Variants in SUGCT observed in about 807,000 individuals in gnomAD.
SUGCT encodes the protein succinyl-CoA:glutarate CoA-transferase.
A neutral mutation model predicts 55.0 loss-of-function variants in SUGCT; 41 were observed. That is an observed-to-expected ratio of 0.74 (90% CI 0.58 to 0.97). SUGCT has a LOEUF of 0.97. SUGCT is among the 50% of genes least tolerant of loss of function. The pLI, the probability that SUGCT is intolerant of heterozygous loss-of-function variation, is 0.00. For synonymous variants in SUGCT, 187 were observed against 200.4 expected (o/e 0.93, Z 0.56); for missense variants, 568 against 547.8 (o/e 1.04, Z -0.37).
chr7:40,614,125 C>A (rs1437967349), intron 12 of SUGCT, among the ~76,000 whole-genome samples: 1 of 151,328 alleles, frequency 6.6e-6, no homozygotes, highest in Non-Finnish European at 1.5e-5. Flanking sequence ...AACCCCAAGG[C>A]TGTTTTTTTT....
At chr7:40,486,319 G>A (rs1791345454) in intron 11 of SUGCT, among the ~76,000 whole-genome samples, 1 of 152,092 alleles carries the variant, frequency 6.6e-6, no homozygotes, top group South Asian at 2.1e-4. Flanking sequence ...CAGTTGTAAT[G>A]TCTTTTTAAA....
intron 9 of SUGCT, among the ~76,000 whole-genome samples, chr7:40,411,580 G>A (rs2151344615): frequency 6.6e-6 from 1 of 152,294 alleles, no homozygotes; most frequent in Non-Finnish European, 1.5e-5. Context: ...ATCTTAAGAA[G>A]ATAGAAGTAG....
chr7:40,772,550 C>G (rs772947155), intron 13 of SUGCT, among the ~76,000 whole-genome samples: 160 of 145,426 alleles, frequency 1.1e-3, no homozygotes, highest in Non-Finnish European at 1.6e-3. Flanking sequence ...ATCTATCTAT[C>G]TATCTATCTA....
chr7:40,675,175 C>T (rs1311414487), intron 12 of SUGCT, among the ~76,000 whole-genome samples: 2 of 151,928 alleles, frequency 1.3e-5, no homozygotes, highest in East Asian at 3.9e-4. Flanking sequence ...ATTCTCCTGC[C>T]TCAGCTCCCC....
At chr7:40,435,255 A>G (rs1486495530) in intron 9 of SUGCT, among the ~76,000 whole-genome samples, 6 of 152,206 alleles carry the variant, frequency 3.9e-5, no homozygotes, top group African/African-American at 1.4e-4. Context: ...ACTATAGGAC[A>G]TACCTATAAA....
intron 12 of SUGCT, among the ~76,000 whole-genome samples, chr7:40,703,379 AC>A (rs954097254): frequency 7.9e-5 from 12 of 152,166 alleles, no homozygotes; most frequent in African/African-American, 2.7e-4. Context: ...AGATCTCAGC[AC>A]AGGTGAAGCT....
intron 11 of SUGCT, among the ~76,000 whole-genome samples, chr7:40,464,133 G>T (rs1789967635): frequency 6.6e-6 from 1 of 152,056 alleles, no homozygotes; most frequent in Non-Finnish European, 1.5e-5. Context: ...TGAAGGAGAA[G>T]AGAATTGATG....
rs1322099726 is a variant in SUGCT at position 40,562,278 on chromosome 7, G to A, written c.1089+65892G>A. Among the ~76,000 whole-genome samples the A allele has an allele frequency of 4.8e-5, 7 of 145,074 alleles. No individual in the cohort carries two copies. The South Asian group carries it at 8.7e-4, about 18-fold the overall frequency. On this transcript the variant is annotated intron_variant, in intron 12 of 13. Coordinates refer to ENST00000335693, the MANE Select transcript of SUGCT (RefSeq NM_001193313.2). ...CGCGTGACTGCACTCCAGCCTGGGC[G>A]ACAGAGCGAGATTCCGTCTCAAAAA...
At chr7:40,744,115 G>A (rs1168458000) in intron 12 of SUGCT, among the ~76,000 whole-genome samples, 2 of 149,010 alleles carry the variant, frequency 1.3e-5, no homozygotes, top group East Asian at 2.0e-4. Flanking sequence ...TTTAGTAGAC[G>A]CGGGGTTTCG....
chr7:40,279,181 A>G (rs1054127108), intron 8 of SUGCT, among the ~76,000 whole-genome samples: 15 of 152,178 alleles, frequency 9.9e-5, no homozygotes, highest in Admixed American at 8.5e-4. Flanking sequence ...TATTCCAAAA[A>G]GTTTCAGAAT....
intron 12 of SUGCT, among the ~76,000 whole-genome samples, chr7:40,695,301 G>A (rs1224658681): frequency 2.0e-5 from 3 of 151,522 alleles, no homozygotes; most frequent in African/African-American, 4.9e-5. Context: ...GGGCTCAAGC[G>A]ATCCTCCCAC....
chr7:40,754,076 G>A (rs934433399), intron 13 of SUGCT, among the ~76,000 whole-genome samples: 4 of 152,128 alleles, frequency 2.6e-5, no homozygotes, highest in African/African-American at 9.7e-5. Context: ...AACTAGTTAA[G>A]CCCATGAATT....
At chr7:40,665,675 G>T (rs1445496376) in intron 12 of SUGCT, among the ~76,000 whole-genome samples, 1 of 151,582 alleles carries the variant, frequency 6.6e-6, no homozygotes, top group Non-Finnish European at 1.5e-5. Flanking sequence ...ACTCTCTATA[G>T]AGTGGGGACC....
intron 12 of SUGCT, among the ~76,000 whole-genome samples, chr7:40,537,323 A>G (rs1054310734): frequency 6.6e-6 from 1 of 152,202 alleles, no homozygotes; most frequent in African/African-American, 2.4e-5. Context: ...TCTGATGAGA[A>G]CATTTTGCCT....
the SUGCT span, among the ~76,000 whole-genome samples, chr7:40,882,725 A>T: frequency 1.3e-5 from 2 of 152,204 alleles, no homozygotes; most frequent in Non-Finnish European, 2.9e-5. Flanking sequence ...AAACAATGAA[A>T]CAAAGTAATG....
chr7:40,929,451 G>A, the SUGCT span, among the ~76,000 whole-genome samples: 6 of 152,164 alleles, frequency 3.9e-5, no homozygotes, highest in Non-Finnish European at 7.3e-5. Flanking sequence ...TAATGGGATC[G>A]CTGGGTCAAA....
At chr7:40,985,053 A>C in the SUGCT span, among the ~76,000 whole-genome samples, 7 of 152,230 alleles carry the variant, frequency 4.6e-5, no homozygotes, top group Non-Finnish European at 7.3e-5. Context: ...CAGGCTGTCT[A>C]TTCAAGTAAT....
intron 12 of SUGCT, among the ~76,000 whole-genome samples, chr7:40,721,625 G>C (rs1786343679): frequency 6.6e-6 from 1 of 152,182 alleles, no homozygotes; most frequent in Non-Finnish European, 1.5e-5. Context: ...AAATCCATTA[G>C]TAATTTCAGT....
At chr7:40,806,529 G>A (rs1356720365) in intron 13 of SUGCT, among the ~76,000 whole-genome samples, 2 of 151,868 alleles carry the variant, frequency 1.3e-5, no homozygotes, top group East Asian at 3.9e-4. Context: ...AGGAATTATG[G>A]TGGTTCTGAA....
Sources: allele counts gnomAD v4.1 joint callset (sites outside exome capture counted in the v4.1 genomes callset), GRCh38; gene constraint gnomAD v4.1.1; transcripts MANE v1.5; gene names NCBI Gene and HGNC (gene_info 2026-07-23, HGNC 2026-07-21).